Variants in UMODL1 observed in about 807,000 individuals in gnomAD.
The protein encoded by UMODL1 is uromodulin-like 1.
A neutral mutation model predicts 136.3 loss-of-function variants in UMODL1; 128 were observed. That is an observed-to-expected ratio of 0.94 (90% CI 0.81 to 1.09). The LOEUF is 1.09. UMODL1 is among the 50% of genes least tolerant of loss of function. The probability of loss-of-function intolerance (pLI) is 0.00; values close to 1 mark genes in which losing one functional copy is unlikely to be tolerated. For synonymous variants in UMODL1, 721 were observed against 720.0 expected (o/e 1.00, Z -0.02); for missense variants, 1,766 against 1,725.6 (o/e 1.02, Z -0.41).
intron 15 of UMODL1, among the ~76,000 whole-genome samples, chr21:42,120,290 C>T (rs563666105): frequency 2.2e-4 from 33 of 152,342 alleles, no homozygotes; most frequent in South Asian, 6.2e-4. Context: ...ATAAATCAAA[C>T]GCTTTCAAAG....
chr21:42,069,427 T>C (rs2066210457), upstream of UMODL1, among the ~76,000 whole-genome samples: 3 of 152,190 alleles, frequency 2.0e-5, no homozygotes, highest in South Asian at 6.2e-4. Flanking sequence ...TATAAATTAT[T>C]ATGAAGTCCT....
chr21:42,129,736 G>A lies in UMODL1; in HGVS notation c.3714G>A (p.Leu1238=), dbSNP rs776434869. ...CKINCNNFRL[L]QNSETSATHQ... The stretch of plus-strand genomic sequence containing the variant: ...AGAATTGCAATAACTTTCGGTTGCT[G>A]CAAAATAGTGAAACCTCTGCCACAC... Residue 1238 remains leucine, a synonymous_variant, in exon 21 of 23, where the codon CTG becomes CTA. Transcript: ENST00000408910. The A allele has an allele frequency of 2.5e-6, 4 of 1,584,646 alleles. No homozygotes were observed. The highest frequency in any genetic ancestry group is 3.4e-6 in the Non-Finnish European group (4 of 1,169,558).
intron 22 of UMODL1, among the ~76,000 whole-genome samples, chr21:42,139,527 T>A (rs2067251107): frequency 6.6e-6 from 1 of 151,934 alleles, no homozygotes; most frequent in African/African-American, 2.4e-5. Context: ...GAAATTTGGG[T>A]GGGGACACAG....
chr21:42,086,378 C>T (rs143878912), intron 4 of UMODL1, among the ~76,000 whole-genome samples: 5 of 152,348 alleles, frequency 3.3e-5, no homozygotes, highest in Non-Finnish European at 7.3e-5. Flanking sequence ...TTGGGTCACT[C>T]CTTGGCCGTT....
intron 6 of UMODL1, 91 bp downstream of exon 6, chr21:42,090,529 T>G: frequency 6.8e-7 from 1 of 1,476,944 alleles, no homozygotes; most frequent in Non-Finnish European, 9.2e-7. Context: ...AGCTGCAGCA[T>G]TCACCCCGAG....
In UMODL1 at chr21:42,111,729, G is replaced by T; in HGVS notation, c.2104+19G>T. 1.9e-6 allele frequency: 3 copies of T among 1,596,304 alleles called. No individual in the cohort carries two copies. Among genetic ancestry groups the T allele is most frequent in the Non-Finnish European group, 2.6e-6 (3 of 1,170,654 alleles). On this transcript the variant is annotated intron_variant, in intron 12 of 22. Coordinates refer to ENST00000408910, the MANE Select transcript of UMODL1 (RefSeq NM_001004416.3). ...GCCTGTGGTGAGTTCCTCGAATGGT[G>T]CATGGGGACTAGGACTAATAGGACC... is the stretch of plus-strand genomic sequence containing the variant.
At chr21:42,073,321 T>G (rs2066253157) in intron 1 of UMODL1, among the ~76,000 whole-genome samples, 1 of 152,204 alleles carries the variant, frequency 6.6e-6, no homozygotes, top group African/African-American at 2.4e-5. Context: ...GCAAGTCACC[T>G]CTAGGCTCTC....
Position 42,085,720 on chromosome 21 carries a change from A to C in UMODL1, c.603+308A>C, listed in dbSNP as rs1039088518. On this transcript the variant is annotated intron_variant, in intron 4 of 22. Coordinates refer to ENST00000408910, the MANE Select transcript of UMODL1 (RefSeq NM_001004416.3). This position sits in a 1 kb window ranked among gnomAD's most constrained non-coding sequence, Gnocchi z 4.5. ...TAAGCTTGCAGGGGTCTGCAGTCCC[A>C]GCAAAGACAGCCTAAGCCCCGAGCT... Among the ~76,000 whole-genome samples the C allele has an allele frequency of 6.6e-6, 1 of 152,162 alleles. No homozygotes were observed. Among genetic ancestry groups the C allele is most frequent in the Non-Finnish European group, 1.5e-5 (1 of 68,026 alleles).
At position 42,098,987 on chromosome 21, in the gene UMODL1, C is replaced by G. The variant is rs1054231561; in HGVS notation, c.993C>G (p.Ser331=). Residue 331 remains serine (S), a synonymous_variant, in exon 7 of 23, where the codon TCC becomes TCG. Coordinates refer to ENST00000408910, the MANE Select transcript of UMODL1 (RefSeq NM_001004416.3). ...LNVTSDSFQV[S]WRLNSTQNHT... ...TCACCAGTGACAGTTTTCAAGTATC[C>G]TGGCGTTTAAATTCTACACAGAACC... is the stretch of plus-strand genomic sequence containing the variant. The G allele has an allele frequency of 1.2e-6, 2 of 1,614,184 alleles. No individual in the cohort carries two copies. The highest frequency in any genetic ancestry group is 1.7e-6 in the Non-Finnish European group (2 of 1,180,038).
At position 42,084,211 on chromosome 21, in the gene UMODL1, A is replaced by G; in HGVS notation, c.447A>G (p.Ser149=). 1 of 1,613,560 alleles carries G rather than the reference A, an allele frequency of 6.2e-7. No individual in the cohort carries two copies. The change falls in exon 3 of 23, where the codon TCA becomes TCG. Residue 149 remains serine, a synonymous_variant. Coordinates refer to ENST00000408910, the MANE Select transcript of UMODL1 (RefSeq NM_001004416.3). ...GACTTGAGAAGTGCTGCCCCTGGTCAGGGGGGCGCTACTGCATGGCCCCTG... is the reference window on the plus strand; with the variant it reads ...GACTTGAGAAGTGCTGCCCCTGGTCGGGGGGGCGCTACTGCATGGCCCCTG... ...CPGLEKCCPW[S]GGRYCMAPAP... is the part of the protein sequence containing the mutation.
intron 11 of UMODL1, 168 bp downstream of exon 11, chr21:42,111,289 C>A: frequency 7.2e-7 from 1 of 1,391,128 alleles, no homozygotes; most frequent in African/African-American, 1.5e-5. Context: ...TGAACCCCAG[C>A]CAGCGGAGCA....
intron 1 of UMODL1, among the ~76,000 whole-genome samples, chr21:42,075,182 A>G (rs570448213): frequency 1.1e-3 from 172 of 152,006 alleles, no homozygotes; most frequent in Middle Eastern, 3.4e-3. Flanking sequence ...GATTACAGGC[A>G]TGAGCCACCG....
intron 21 of UMODL1, among the ~76,000 whole-genome samples, chr21:42,136,909 C>T (rs2067212008): frequency 6.6e-6 from 1 of 152,124 alleles, no homozygotes; most frequent in African/African-American, 2.4e-5. Flanking sequence ...AGACATGCGC[C>T]ACCATGCCCG....
intron 21 of UMODL1, among the ~76,000 whole-genome samples, chr21:42,132,523 C>CATTCATCCATCCATCCATCT (rs2067147842): frequency 6.6e-6 from 1 of 151,862 alleles, no homozygotes; most frequent in Non-Finnish European, 1.5e-5. Context: ...GTCATCCCTT[C>CATTCATCCATCCATCCATCT]ATTCATCCAT....
Sources: allele counts gnomAD v4.1 joint callset (sites outside exome capture counted in the v4.1 genomes callset), GRCh38; gene constraint gnomAD v4.1.1; non-coding constraint Gnocchi (gnomAD v3.1); transcripts MANE v1.5; gene names NCBI Gene and HGNC (gene_info 2026-07-23, HGNC 2026-07-21).